NET1: variants seen among roughly 807,000 people sequenced by gnomAD.
NET1 encodes neuroepithelial cell-transforming gene 1 protein.
Under a neutral mutation model 61.1 loss-of-function variants are expected in NET1, and 42 were observed. The observed-to-expected ratio is 0.69, with a 90% CI of 0.54 to 0.89. NET1 has a LOEUF of 0.89. Among genes scored for constraint, NET1 ranks in the 40% least tolerant of loss-of-function variants. The probability of loss-of-function intolerance (pLI) is 0.00; values close to 1 mark genes in which losing one functional copy is unlikely to be tolerated. For missense variants in NET1, 654 were observed against 747.3 expected (o/e 0.88, Z 1.46); for synonymous variants, 254 against 281.8 (o/e 0.90, Z 0.99).
chr10:5,438,290 A>C (rs1832469986), intron 3 of NET1, among the ~76,000 whole-genome samples: 1 of 152,196 alleles, frequency 6.6e-6, no homozygotes, highest in South Asian at 2.1e-4. Flanking sequence ...AAAACAATAG[A>C]GTAAAACCAA....
rs1832560769 is a variant in NET1 at position 5,443,749 on chromosome 10, A to G, written c.256-8081A>G. Among the ~76,000 whole-genome samples the G allele has an allele frequency of 6.6e-6, 1 of 152,218 alleles. No homozygotes were observed. Among genetic ancestry groups the G allele is most frequent in the African/African-American group, 2.4e-5 (1 of 41,460 alleles). On this transcript the variant is annotated intron_variant, in intron 3 of 11. Coordinates refer to ENST00000355029, the MANE Select transcript of NET1 (RefSeq NM_001047160.3). This position sits in a 1 kb window ranked among gnomAD's most constrained non-coding sequence, Gnocchi z 4.8. The stretch of plus-strand genomic sequence containing the variant: ...TTGTTTTCTATTTCTGTATTTACAT[A>G]TAAAGACTTCTACCTTTACCTCTTG...
rs1832224459 is a variant in NET1 at position 5,424,312 on chromosome 10, A to G, written c.129-2343A>G. ...GGCTCCTGCTAACCATGTAGCATACAGTAGCACCTAATACACTAAGAGTAT... is the reference window on the plus strand; with the variant it reads ...GGCTCCTGCTAACCATGTAGCATACGGTAGCACCTAATACACTAAGAGTAT... On this transcript the variant is annotated intron_variant, in intron 1 of 11. Coordinates refer to ENST00000355029, the MANE Select transcript of NET1 (RefSeq NM_001047160.3). This position sits in a 1 kb window ranked among gnomAD's most constrained non-coding sequence, Gnocchi z 6.1. 6.6e-6 allele frequency among the ~76,000 whole-genome samples: 1 copy of G among 152,230 alleles called. No individual in the cohort carries two copies. Among genetic ancestry groups the G allele is most frequent in the Non-Finnish European group, 1.5e-5 (1 of 68,044 alleles).
At chr10:5,413,145 T>A (rs1159979733) in intron 1 of NET1, among the ~76,000 whole-genome samples, 1 of 152,068 alleles carries the variant, frequency 6.6e-6, no homozygotes, top group African/African-American at 2.4e-5. Flanking sequence ...CGATTTTCCC[T>A]GCCTGTGGCA....
intron 3 of NET1, among the ~76,000 whole-genome samples, chr10:5,430,750 A>G (rs1564460922): frequency 6.6e-6 from 1 of 150,592 alleles, no homozygotes; most frequent in Non-Finnish European, 1.5e-5. Context: ...GAATTCATGC[A>G]TTTTCTTGAT....
Position 5,454,911 on chromosome 10 carries a change from C to A in NET1, c.1027-37C>A. The A allele has an allele frequency of 6.3e-7, 1 of 1,596,092 alleles. No individual in the cohort carries two copies. Among genetic ancestry groups the A allele is most frequent in the Non-Finnish European group, 8.6e-7 (1 of 1,166,900 alleles). ...GCAGGAAGCAGAATGAGTTAATAAACTGAAGCTGCTCTGTCAATTTTATTT... is the reference window on the plus strand; with the variant it reads ...GCAGGAAGCAGAATGAGTTAATAAAATGAAGCTGCTCTGTCAATTTTATTT... On this transcript the variant is annotated intron_variant, in intron 9 of 11. Transcript: ENST00000355029. The surrounding 1 kb of genome is among the most constrained non-coding windows in gnomAD (Gnocchi z 8.1).
At position 5,447,738 on chromosome 10, in the gene NET1, G is replaced by A. The variant is rs1832639218; in HGVS notation, c.256-4092G>A. Among the ~76,000 whole-genome samples, 1 of 152,198 alleles carries A rather than the reference G, an allele frequency of 6.6e-6. No homozygotes were observed. Among genetic ancestry groups the A allele is most frequent in the African/African-American group, 2.4e-5 (1 of 41,444 alleles). On this transcript the variant is annotated intron_variant, in intron 3 of 11. Coordinates refer to ENST00000355029, the MANE Select transcript of NET1 (RefSeq NM_001047160.3). This position sits in a 1 kb window ranked among gnomAD's most constrained non-coding sequence, Gnocchi z 4.1. ...TTAAAATAGCTGCCGTCTTCAGGAA[G>A]TACACTTTTATTTGGTGTGGTTTGG...
Position 5,446,842 on chromosome 10 carries a change from CCTTCAGAGAA to C in NET1, c.256-4986_256-4977del, listed in dbSNP as rs1339786725. The C allele has an allele frequency of 2.5e-6, 4 of 1,609,626 alleles. No homozygotes were observed. The African/African-American group carries it at 5.3e-5, about 22-fold the overall frequency. On this transcript the variant is annotated intron_variant, in intron 3 of 11. Transcript: ENST00000355029. The surrounding 1 kb of genome is among the most constrained non-coding windows in gnomAD (Gnocchi z 5.0). ...CGAGTCCTAGATGTCAATAACCAGT[CCTTCAGAGAA>C]CAAGAGGTAAGACTTTAAGAGAAAC...
Position 5,457,092 on chromosome 10 carries a change from AC to A in NET1, c.*100del. ...GGGGAGCATCATAGGGTTACTTTATACCAGTTGTAACATTTTCATTGTTTTT... is the reference window on the plus strand; with the variant it reads ...GGGGAGCATCATAGGGTTACTTTATACAGTTGTAACATTTTCATTGTTTTT... On this transcript the variant is annotated 3_prime_UTR_variant, in exon 12 of 12. Transcript: ENST00000355029. The surrounding 1 kb of genome is among the most constrained non-coding windows in gnomAD (Gnocchi z 5.4). The A allele has an allele frequency of 8.6e-7, 1 of 1,168,446 alleles. No homozygotes were observed. Among genetic ancestry groups the A allele is most frequent in the South Asian group, 2.3e-5 (1 of 42,584 alleles). The allele number at this position is 1,168,446 out of a possible 1,614,324, so 72.4% of individuals were successfully genotyped here. A position where few individuals can be genotyped will look rare whatever the true frequency, so the allele number is the denominator to read the frequency against.
rs1192176480 is a variant in NET1 at position 5,415,230 on chromosome 10, A to G, written c.128+2410A>G. 6.6e-6 allele frequency among the ~76,000 whole-genome samples: 1 copy of G among 152,214 alleles called. No homozygotes were observed. ...AAACTAATTTGAAAGACAAATACGT[A>G]CAGTACAATTTACCCACTTAAATTG... On this transcript the variant is annotated intron_variant, in intron 1 of 11. Transcript: ENST00000355029. The surrounding 1 kb of genome is among the most constrained non-coding windows in gnomAD (Gnocchi z 4.7).
At position 5,449,497 on chromosome 10, in the gene NET1, A is replaced by G. The variant is rs183575146; in HGVS notation, c.256-2333A>G. Among the ~76,000 whole-genome samples, 377 of 152,326 alleles carry G rather than the reference A, an allele frequency of 2.5e-3. 1 individual carries two copies. The highest frequency in any genetic ancestry group is 8.7e-3 in the African/African-American group (361 of 41,564). Reference sequence around the variant, plus strand: ...TAGTTGGATTTTTAAAGGACTGTGGAACATATTTAACCACCAAATACCACT... The same window carrying G: ...TAGTTGGATTTTTAAAGGACTGTGGGACATATTTAACCACCAAATACCACT... On this transcript the variant is annotated intron_variant, in intron 3 of 11. Transcript: ENST00000355029. This position sits in a 1 kb window ranked among gnomAD's most constrained non-coding sequence, Gnocchi z 4.4.
rs922470791 is a variant in NET1, at chr10:5,415,652, G to T, written c.128+2832G>T. ...GACAGGGTTTCACCATGTTGGCTAGGCTGGTCTTGAACTCCTGACCTTGTG... is the reference window on the plus strand; with the variant it reads ...GACAGGGTTTCACCATGTTGGCTAGTCTGGTCTTGAACTCCTGACCTTGTG... On this transcript the variant is annotated intron_variant, in intron 1 of 11. Coordinates refer to ENST00000355029, the MANE Select transcript of NET1 (RefSeq NM_001047160.3). This position sits in a 1 kb window ranked among gnomAD's most constrained non-coding sequence, Gnocchi z 4.7. Among the ~76,000 whole-genome samples the T allele has an allele frequency of 6.6e-6, 1 of 152,112 alleles. No homozygotes were observed. The highest frequency in any genetic ancestry group is 1.5e-5 in the Non-Finnish European group (1 of 68,022).
In NET1 at chr10:5,446,320, C is replaced by G. The variant is rs533439547; in HGVS notation, c.256-5510C>G. ...TCAAGTTGTCCATACTGAACTTATT[C>G]CCATGCAATAGGGTTTTATGGGAAA... On this transcript the variant is annotated intron_variant, in intron 3 of 11. Transcript: ENST00000355029. The surrounding 1 kb of genome is among the most constrained non-coding windows in gnomAD (Gnocchi z 5.0). Among the ~76,000 whole-genome samples the G allele has an allele frequency of 5.3e-5, 8 of 152,252 alleles. 1 individual carries two copies. The highest frequency in any genetic ancestry group is 4.6e-4 in the Admixed American group (7 of 15,306).
chr10:5,435,378 C>A lies in NET1; in HGVS notation c.255+6149C>A, dbSNP rs1473662373. 1.1e-4 allele frequency among the ~76,000 whole-genome samples: 17 copies of A among 152,092 alleles called. No individual in the cohort carries two copies. Among genetic ancestry groups the A allele is most frequent in the Admixed American group, 1.1e-3 (17 of 15,268 alleles). On this transcript the variant is annotated intron_variant, in intron 3 of 11. Transcript: ENST00000355029. This position sits in a 1 kb window ranked among gnomAD's most constrained non-coding sequence, Gnocchi z 5.0. ...TTTTGCTTGGACTTACATCTAAATA[C>A]AACAGTTTTTATGTAATAAGCTAAA...
chr10:5,418,879 A>G (rs1453128968), intron 1 of NET1, among the ~76,000 whole-genome samples: 1 of 152,184 alleles, frequency 6.6e-6, no homozygotes, highest in Non-Finnish European at 1.5e-5. Flanking sequence ...CACTATCATT[A>G]ATCTCAAATT....
intron 3 of NET1, among the ~76,000 whole-genome samples, chr10:5,429,799 C>G (rs1296512432): frequency 6.6e-6 from 1 of 152,120 alleles, no homozygotes; most frequent in Non-Finnish European, 1.5e-5. Flanking sequence ...GTCCAAAAAC[C>G]TAGTATCTTT....
At chr10:5,428,922 C>T (rs1832304090) in intron 2 of NET1, among the ~76,000 whole-genome samples, 8 of 145,826 alleles carry the variant, frequency 5.5e-5, no homozygotes, top group Non-Finnish European at 4.5e-5. Context: ...TTAGTAGAGA[C>T]AGGGTTTCGC....
In NET1 at chr10:5,441,253, C is replaced by G. The variant is rs1163772941; in HGVS notation, c.256-10577C>G. On this transcript the variant is annotated intron_variant, in intron 3 of 11. Transcript: ENST00000355029. This position sits in a 1 kb window ranked among gnomAD's most constrained non-coding sequence, Gnocchi z 4.6. ...TCCATCCCACACACCCGTGGCTACA[C>G]ATGTGCATGTGCCACACAGCAGCAT... Among the ~76,000 whole-genome samples, 1 of 152,258 alleles carries G rather than the reference C, an allele frequency of 6.6e-6. No individual in the cohort carries two copies. The highest frequency in any genetic ancestry group is 1.5e-5 in the Non-Finnish European group (1 of 68,046).
At position 5,451,676 on chromosome 10, in the gene NET1, ATTGTT is replaced by A. The variant is rs1832706482; in HGVS notation, c.256-150_256-146del. Among the ~76,000 whole-genome samples, 1 of 152,142 alleles carries A rather than the reference ATTGTT, an allele frequency of 6.6e-6. No homozygotes were observed. Among genetic ancestry groups the A allele is most frequent in the Non-Finnish European group, 1.5e-5 (1 of 68,024 alleles). On this transcript the variant is annotated intron_variant, in intron 3 of 11. Transcript: ENST00000355029. The surrounding 1 kb of genome is among the most constrained non-coding windows in gnomAD (Gnocchi z 6.1). The stretch of plus-strand genomic sequence containing the variant: ...GTTACTGCTACTCAATAGAGTTCTT[ATTGTT>A]TTGACAATGAAGAACAACTCTTACT...
At position 5,435,530 on chromosome 10, in the gene NET1, TAGAC is replaced by T. The variant is rs776689968; in HGVS notation, c.255+6313_255+6316del. Among the ~76,000 whole-genome samples, 2,064 of 12,726 alleles carry T rather than the reference TAGAC, an allele frequency of 0.16. 41 individuals are homozygous for T. Among genetic ancestry groups the T allele is most frequent in the Middle Eastern group, 0.29 (4 of 14 alleles). The allele number at this position is 12,726 out of a possible 152,430, so 8.3% of individuals were successfully genotyped here. A position where few individuals can be genotyped will look rare whatever the true frequency, so the allele number is the denominator to read the frequency against. The stretch of plus-strand genomic sequence containing the variant: ...ATAGATAGATAGATAGATAGATAGA[TAGAC>T]AGACAGACAGATAGATAGATAGATA... On this transcript the variant is annotated intron_variant, in intron 3 of 11. Transcript: ENST00000355029. The surrounding 1 kb of genome is among the most constrained non-coding windows in gnomAD (Gnocchi z 5.0).
Sources: allele counts gnomAD v4.1 joint callset (sites outside exome capture counted in the v4.1 genomes callset), GRCh38; gene constraint gnomAD v4.1.1; non-coding constraint Gnocchi (gnomAD v3.1); transcripts MANE v1.5; gene names NCBI Gene and HGNC (gene_info 2026-07-23, HGNC 2026-07-21).